Variants in MED15 observed in about 807,000 individuals in gnomAD.
The protein encoded by MED15 is mediator of RNA polymerase II transcription subunit 15.
A neutral mutation model predicts 118.7 loss-of-function variants in MED15; 41 were observed. That is an observed-to-expected ratio of 0.35 (90% CI 0.27 to 0.45). The LOEUF (loss-of-function observed/expected upper bound fraction) is 0.45, where lower values mean the gene tolerates loss of function less well. Among genes scored for constraint, MED15 ranks in the 20% least tolerant of loss-of-function variants. The pLI, the probability that MED15 is intolerant of heterozygous loss-of-function variation, is 1.00. For missense variants in MED15, 740 were observed against 1,025.5 expected (o/e 0.72, Z 3.80); for synonymous variants, 436 against 413.9 (o/e 1.05, Z -0.65).
chr22:20,528,861 C>A (rs1161181745), intron 1 of MED15, among the ~76,000 whole-genome samples: 1 of 152,188 alleles, frequency 6.6e-6, no homozygotes, highest in East Asian at 1.9e-4. Context: ...CCGTTTCATG[C>A]TTTTCCAGAG....
intron 2 of MED15, among the ~76,000 whole-genome samples, chr22:20,538,258 C>CT (rs532854611): frequency 2.1e-4 from 32 of 149,706 alleles, no homozygotes; most frequent in African/African-American, 5.4e-4. Flanking sequence ...AATTTTAGAA[C>CT]TTTTTTTTTT....
chr22:20,574,255 G>A (rs2056755749), intron 8 of MED15: 1 of 152,278 alleles, frequency 6.6e-6, no homozygotes, highest in East Asian at 1.9e-4. Flanking sequence ...CTAAGTGCCT[G>A]TAGGCCCTGC....
chr22:20,565,354 T>G (rs2056397863), intron 6 of MED15, among the ~76,000 whole-genome samples: 1 of 152,122 alleles, frequency 6.6e-6, no homozygotes, highest in Non-Finnish European at 1.5e-5. Flanking sequence ...TGTGGGCCAT[T>G]TTGGCTGAGG....
chr22:20,535,710 C>T (rs777442704), intron 1 of MED15, among the ~76,000 whole-genome samples: 4 of 151,490 alleles, frequency 2.6e-5, no homozygotes, highest in Non-Finnish European at 4.4e-5. Flanking sequence ...CAGGCGCCTG[C>T]CACCATGCCC....
chr22:20,585,818 G>A lies in MED15; in HGVS notation c.2222G>A (p.Trp741Ter). ...AGCCCGCTGTGGATAGACCGGCAGT[G>A]GCAGTACGGTAGGTAGACCCAGAGG... ...AQSPLWIDRQ[W>*]QYDANPFLQS... Residue 741 changes from tryptophan to a stop codon, truncating the protein, a stop_gained, in exon 17 of 18, where the codon TGG becomes TAG. Transcript: ENST00000263205. LOFTEE classifies it high-confidence loss of function. 6.2e-7 allele frequency: 1 copy of A among 1,612,872 alleles called. No homozygotes were observed. The highest frequency in any genetic ancestry group is 1.1e-5 in the South Asian group (1 of 91,076).
chr22:20,523,244 C>T (rs1009721749), intron 1 of MED15, among the ~76,000 whole-genome samples: 3 of 152,052 alleles, frequency 2.0e-5, no homozygotes, highest in African/African-American at 4.8e-5. Context: ...TGTGTTCTCT[C>T]CCTGGATGGA....
intron 2 of MED15, among the ~76,000 whole-genome samples, chr22:20,538,845 G>T (rs1179198261): frequency 6.6e-6 from 1 of 151,508 alleles, no homozygotes; most frequent in Non-Finnish European, 1.5e-5. Flanking sequence ...GATTACAGGT[G>T]CGCACCACCA....
chr22:20,514,849 G>A (rs13053946), intron 1 of MED15, among the ~76,000 whole-genome samples: 4 of 152,128 alleles, frequency 2.6e-5, no homozygotes, highest in East Asian at 1.9e-4. Flanking sequence ...CAGCCTTGGC[G>A]GAGCTTTTTC....
At chr22:20,524,375 G>A (rs998605815) in intron 1 of MED15, 3 of 152,220 alleles carry the variant, frequency 2.0e-5, no homozygotes, top group African/African-American at 7.2e-5. Flanking sequence ...AGGTCAGAAG[G>A]CTGGGTGAGA....
At chr22:20,570,711 CTTTTT>C (rs1375774796) in intron 8 of MED15, among the ~76,000 whole-genome samples, 1 of 131,730 alleles carries the variant, frequency 7.6e-6, no homozygotes, top group African/African-American at 2.9e-5. Flanking sequence ...CTTCTCTTCT[CTTTTT>C]TCTCTTTTCT....
intron 1 of MED15, 81 bp downstream of exon 1, chr22:20,507,827 G>C (rs2053921136): frequency 6.3e-7 from 1 of 1,583,604 alleles, no homozygotes; most frequent in Admixed American, 1.8e-5. Context: ...CCGGACCCGT[G>C]AGAAACCTAC....
intron 2 of MED15, among the ~76,000 whole-genome samples, chr22:20,539,569 G>A (rs911528142): frequency 1.1e-4 from 16 of 152,296 alleles, no homozygotes; most frequent in African/African-American, 3.8e-4. Flanking sequence ...TGTGTGGGCT[G>A]TGTTTTCATT....
At chr22:20,565,364 G>A (rs1377499874) in intron 6 of MED15, among the ~76,000 whole-genome samples, 1 of 152,210 alleles carries the variant, frequency 6.6e-6, no homozygotes, top group Admixed American at 6.5e-5. Flanking sequence ...TTTGGCTGAG[G>A]ACACATGTGC....
chr22:20,523,865 T>G (rs1317843121), intron 1 of MED15: 1 of 983,544 alleles, frequency 1.0e-6, no homozygotes, highest in Non-Finnish European at 1.2e-6. Flanking sequence ...GGTTAGTTCT[T>G]TCAATGATCT....
chr22:20,508,225 G>A (rs937766889), intron 1 of MED15: 15 of 1,247,560 alleles, frequency 1.2e-5, no homozygotes, highest in Non-Finnish European at 1.5e-5. Context: ...GCGGTGGGAC[G>A]GAGGATCTGA....
At chr22:20,548,914 G>A (rs2055662906) in intron 2 of MED15, among the ~76,000 whole-genome samples, 1 of 152,150 alleles carries the variant, frequency 6.6e-6, no homozygotes, top group South Asian at 2.1e-4. Flanking sequence ...TCAAGCCTCA[G>A]CCTCCCACTT....
intron 9 of MED15, among the ~76,000 whole-genome samples, chr22:20,581,120 C>T (rs1320169550): frequency 2.6e-5 from 4 of 152,166 alleles, no homozygotes; most frequent in Non-Finnish European, 5.9e-5. Flanking sequence ...GTGCCTTAGC[C>T]CCCCACCCCC....
At chr22:20,527,886 G>A (rs1263506091) in intron 1 of MED15, among the ~76,000 whole-genome samples, 2 of 151,136 alleles carry the variant, frequency 1.3e-5, no homozygotes, top group East Asian at 3.9e-4. Context: ...GAACGTGGGA[G>A]GCAGAGGTTG....
chr22:20,562,930 G>A (rs536650416), intron 5 of MED15, among the ~76,000 whole-genome samples: 1 of 151,854 alleles, frequency 6.6e-6, no homozygotes, highest in Admixed American at 6.6e-5. Context: ...CAGCTACTCG[G>A]GAGGCTGAGG....
Sources: gnomAD v4.1 joint callset for allele counts (sites outside exome capture counted in the v4.1 genomes callset) on GRCh38, gnomAD v4.1.1 for gene constraint, MANE v1.5 for transcripts, NCBI Gene and HGNC (gene_info 2026-07-23, HGNC 2026-07-21) for gene names.